NRP1: variants seen among roughly 807,000 people sequenced by gnomAD.
NRP1 encodes the protein neuropilin-1.
A neutral mutation model predicts 106.7 loss-of-function variants in NRP1; 35 were observed. The observed-to-expected ratio is 0.33, with a 90% CI of 0.25 to 0.43. The LOEUF (loss-of-function observed/expected upper bound fraction) is 0.43, where lower values mean the gene tolerates loss of function less well. Ranked by LOEUF, NRP1 falls within the 20% of genes least tolerant of loss-of-function variation. The pLI is 1.00. For synonymous variants in NRP1, 437 were observed against 417.9 expected (o/e 1.05, Z -0.56); for missense variants, 1,024 against 1,170.4 (o/e 0.87, Z 1.83).
Position 33,192,335 on chromosome 10 carries a change from G to T in NRP1, c.2008C>A (p.Gln670Lys), listed in dbSNP as rs936954579. The change falls in exon 13 of 17, where the codon CAG (glutamine) becomes AAG (lysine). Residue 670 changes from glutamine (Q) to lysine (K), a missense_variant. Transcript: ENST00000374867. ...CTGGTCAACACACTCCACTTGAGCT[G>T]CACGTGATTGTCATGTTCCCAGTGG... ...FCHWEHDNHV[Q>K]LKWSVLTSKT... 5 of 1,613,866 alleles carry T rather than the reference G, an allele frequency of 3.1e-6. No homozygotes were observed. The highest frequency in any genetic ancestry group is 4.2e-6 in the Non-Finnish European group (5 of 1,179,870).
chr10:33,307,131 A>G (rs1846220912), intron 2 of NRP1, among the ~76,000 whole-genome samples: 1 of 152,224 alleles, frequency 6.6e-6, no homozygotes, highest in South Asian at 2.1e-4. Context: ...AGGATTCATG[A>G]TCCCATAGGC....
intron 2 of NRP1, among the ~76,000 whole-genome samples, chr10:33,309,328 C>T (rs1213102467): frequency 2.0e-5 from 3 of 152,220 alleles, no homozygotes; most frequent in Non-Finnish European, 1.5e-5. Context: ...TCCACCCTTC[C>T]TCTTAAGACT....
At chr10:33,188,283 A>G (rs1836150987) in intron 13 of NRP1, among the ~76,000 whole-genome samples, 1 of 152,154 alleles carries the variant, frequency 6.6e-6, no homozygotes, top group Non-Finnish European at 1.5e-5. Context: ...GAGGCTAGTC[A>G]GAGAATGGGT....
chr10:33,293,934 T>G (rs775893821), intron 2 of NRP1, among the ~76,000 whole-genome samples: 5 of 152,228 alleles, frequency 3.3e-5, no homozygotes, highest in Non-Finnish European at 7.3e-5. Flanking sequence ...ACGGATAATG[T>G]GCTTTCTTCA....
chr10:33,294,625 A>AG, intron 2 of NRP1, among the ~76,000 whole-genome samples: 1 of 151,994 alleles, frequency 6.6e-6, no homozygotes, highest in East Asian at 1.9e-4. Context: ...CTCAAAAAAA[A>AG]AAAAAAAAAA....
At position 33,179,528 on chromosome 10, in the gene NRP1, C is replaced by T. The variant is rs2506144; in HGVS notation, c.*548G>A. ...CTTCGTAAACAGAGCTGACACACTA[C>T]ACCAGTACTGAGGCTACAGTACTTT... On this transcript the variant is annotated 3_prime_UTR_variant, in exon 17 of 17. Coordinates refer to ENST00000374867, the MANE Select transcript of NRP1 (RefSeq NM_003873.7). 0.19 allele frequency: 29,455 copies of T among 155,550 alleles called. 3,144 individuals carry two copies. Among genetic ancestry groups the T allele is most frequent in the African/African-American group, 0.3 (12,460 of 41,488 alleles). The allele number at this position is 155,550 out of a possible 1,614,324, so 9.6% of individuals were successfully genotyped here.
At chr10:33,194,222 T>C (rs1469357982) in intron 12 of NRP1, 1 of 152,508 alleles carries the variant, frequency 6.6e-6, no homozygotes, top group Non-Finnish European at 1.5e-5. Context: ...CCAACGCCCA[T>C]GACCCTGAAA....
At chr10:33,246,381 G>A (rs77989125) in intron 6 of NRP1, among the ~76,000 whole-genome samples, 2,119 of 152,250 alleles carry the variant, frequency 0.014, 44 homozygotes, top group African/African-American at 0.049. Context: ...GACTTCCTGG[G>A]TGGAAACTCA....
chr10:33,253,898 T>A, intron 6 of NRP1, 130 bp downstream of exon 6: 1 of 745,054 alleles, frequency 1.3e-6, no homozygotes, highest in Non-Finnish European at 2.1e-6. Flanking sequence ...TGCAGTGATT[T>A]ATACCTGATG....
intron 2 of NRP1, among the ~76,000 whole-genome samples, chr10:33,289,898 CCAGCATT>C (rs796502378): frequency 3.9e-5 from 6 of 152,310 alleles, no homozygotes; most frequent in African/African-American, 1.4e-4. Context: ...TCTGCGGAGG[CCAGCATT>C]TTAGACAGAC....
At chr10:33,232,016 G>T (rs1386402841) in intron 6 of NRP1, among the ~76,000 whole-genome samples, 1 of 152,048 alleles carries the variant, frequency 6.6e-6, no homozygotes, top group Non-Finnish European at 1.5e-5. Context: ...TTGTTTTGAA[G>T]TTGAAATGAT....
intron 2 of NRP1, among the ~76,000 whole-genome samples, chr10:33,282,042 G>C (rs1844172168): frequency 6.6e-6 from 1 of 152,044 alleles, no homozygotes; most frequent in Non-Finnish European, 1.5e-5. Flanking sequence ...AGTCAGTTTT[G>C]CTCTAGCATT....
At chr10:33,331,165 A>T (rs559115457) in intron 1 of NRP1, among the ~76,000 whole-genome samples, 36 of 152,302 alleles carry the variant, frequency 2.4e-4, no homozygotes, top group Non-Finnish European at 1.3e-4. Context: ...AGCATTAAAA[A>T]CATTAAATCC....
intron 10 of NRP1, among the ~76,000 whole-genome samples, chr10:33,205,020 C>T (rs1306824311): frequency 6.6e-6 from 1 of 152,226 alleles, no homozygotes; most frequent in Non-Finnish European, 1.5e-5. Flanking sequence ...GCATGAGCCA[C>T]CACACCCGGC....
chr10:33,233,584 A>G (rs1276924561), intron 6 of NRP1, among the ~76,000 whole-genome samples: 1 of 152,220 alleles, frequency 6.6e-6, no homozygotes, highest in African/African-American at 2.4e-5. Context: ...CATAACGTGG[A>G]AAGCCTCATT....
chr10:33,271,652 GA>G (rs1843317875), intron 2 of NRP1, among the ~76,000 whole-genome samples: 1 of 152,136 alleles, frequency 6.6e-6, no homozygotes, highest in African/African-American at 2.4e-5. Flanking sequence ...GCTTAATAAT[GA>G]CACTAAGGAT....
At chr10:33,236,261 C>T (rs1840546180) in intron 6 of NRP1, among the ~76,000 whole-genome samples, 1 of 152,208 alleles carries the variant, frequency 6.6e-6, no homozygotes, top group Non-Finnish European at 1.5e-5. Flanking sequence ...AAGTATGCTA[C>T]AGTTTTAAAA....
In NRP1 at chr10:33,334,428, T is replaced by TG. The variant is rs1233905596; in HGVS notation, c.-47dup. On this transcript the variant is annotated 5_prime_UTR_variant, in exon 1 of 17. Coordinates refer to ENST00000374867, the MANE Select transcript of NRP1 (RefSeq NM_003873.7). ...AGGCAGACGCGGGAGAACGAGGACG[T>TG]GGGGGGAAATGCAGCAAAGAGGAGA... is the stretch of plus-strand genomic sequence containing the variant. The TG allele has an allele frequency of 1.3e-6, 2 of 1,487,812 alleles. No individual in the cohort carries two copies. The highest frequency in any genetic ancestry group is 2.5e-5 in the East Asian group (1 of 40,504). 92.2% of individuals were successfully genotyped at this position (1,487,812 alleles called of 1,614,324 possible).
chr10:33,251,024 G>A (rs115832919), intron 6 of NRP1, among the ~76,000 whole-genome samples: 63 of 152,276 alleles, frequency 4.1e-4, no homozygotes, highest in African/African-American at 1.5e-3. Context: ...TCTGTGATAT[G>A]GTCAGGCTTT....
Sources: gnomAD v4.1 joint callset for allele counts (sites outside exome capture counted in the v4.1 genomes callset) on GRCh38, gnomAD v4.1.1 for gene constraint, MANE v1.5 for transcripts, NCBI Gene and HGNC (gene_info 2026-07-23, HGNC 2026-07-21) for gene names.